SLC38A12: variants seen among roughly 807,000 people sequenced by gnomAD.
SLC38A12 encodes the protein putative sodium-coupled neutral amino acid transporter 12.
chr17:74,822,077 C>G, the SLC38A12 span, among the ~76,000 whole-genome samples: 1 of 152,090 alleles, frequency 6.6e-6, no homozygotes, highest in Admixed American at 6.5e-5. Flanking sequence ...GTCTGGGGAG[C>G]AATACATTTG....
chr17:74,779,702 G>A, the SLC38A12 span, among the ~76,000 whole-genome samples: 1 of 152,188 alleles, frequency 6.6e-6, no homozygotes, highest in Non-Finnish European at 1.5e-5. Flanking sequence ...TGCCCTGGCT[G>A]CCTTGGGAAA....
chr17:74,783,148 T>A, the SLC38A12 span, among the ~76,000 whole-genome samples: 1 of 151,892 alleles, frequency 6.6e-6, no homozygotes, highest in Non-Finnish European at 1.5e-5. Flanking sequence ...AAAATAAAAA[T>A]TGAGATTGTG....
At chr17:74,836,120 C>G in the SLC38A12 span, 1 of 1,613,878 alleles carries the variant, frequency 6.2e-7, no homozygotes, top group Non-Finnish European at 8.5e-7. This position sits in a 1 kb window ranked among gnomAD's most constrained non-coding sequence, Gnocchi z 4.2. Context: ...GGCTGGTGTT[C>G]CTGGACTACG....
the SLC38A12 span, chr17:74,836,584 C>T: frequency 6.2e-7 from 1 of 1,613,226 alleles, no homozygotes; most frequent in South Asian, 1.1e-5. The surrounding 1 kb of genome is among the most constrained non-coding windows in gnomAD (Gnocchi z 4.2). Context: ...AAGCACAGGT[C>T]CCCTTTCCGC....
the SLC38A12 span, chr17:74,836,659 A>G: frequency 1.3e-5 from 21 of 1,608,728 alleles, no homozygotes; most frequent in South Asian, 1.9e-4. The surrounding 1 kb of genome is among the most constrained non-coding windows in gnomAD (Gnocchi z 4.2). Context: ...GTCACGGCCA[A>G]TATCATCCTC....
At chr17:74,839,166 A>G in the SLC38A12 span, 1 of 1,507,062 alleles carries the variant, frequency 6.6e-7, no homozygotes, top group Non-Finnish European at 8.9e-7. Context: ...AGCAGCTGCC[A>G]GCTTATAGAT....
chr17:74,827,945 G>A, the SLC38A12 span, among the ~76,000 whole-genome samples: 5 of 152,160 alleles, frequency 3.3e-5, no homozygotes, highest in African/African-American at 9.7e-5. This position sits in a 1 kb window ranked among gnomAD's most constrained non-coding sequence, Gnocchi z 4.7. Context: ...CCTGCAGCCC[G>A]GCACCTTCCA....
chr17:74,822,971 C>A, the SLC38A12 span, among the ~76,000 whole-genome samples: 8 of 152,214 alleles, frequency 5.3e-5, no homozygotes, highest in Non-Finnish European at 8.8e-5. Flanking sequence ...CAAGCTCACC[C>A]CAGGCAGTTT....
At chr17:74,794,768 C>T in the SLC38A12 span, among the ~76,000 whole-genome samples, 1 of 152,150 alleles carries the variant, frequency 6.6e-6, no homozygotes, top group Non-Finnish European at 1.5e-5. Flanking sequence ...ATCCTCCCAG[C>T]CTCGTTGAGT....
the SLC38A12 span, among the ~76,000 whole-genome samples, chr17:74,776,853 C>T: frequency 2.2e-4 from 33 of 152,170 alleles, no homozygotes; most frequent in Admixed American, 6.5e-5. Flanking sequence ...CAGCTCCCTG[C>T]CCTAGGCAGA....
chr17:74,838,491 G>A, the SLC38A12 span: 6 of 1,014,522 alleles, frequency 5.9e-6, no homozygotes, highest in Admixed American at 5.4e-5. Flanking sequence ...AATCTTGGAC[G>A]CAAATTCATT....
the SLC38A12 span, among the ~76,000 whole-genome samples, chr17:74,798,235 A>G: frequency 0.23 from 35,194 of 152,128 alleles, 4,614 homozygotes; most frequent in East Asian, 0.42. Context: ...AGAGATACAG[A>G]CTTTTATATT....
chr17:74,837,475 T>C, the SLC38A12 span: 1 of 985,484 alleles, frequency 1.0e-6, no homozygotes, highest in Non-Finnish European at 1.2e-6. Flanking sequence ...CCTCAGGGCC[T>C]CCTACAGTGC....
At chr17:74,779,640 C>A in the SLC38A12 span, among the ~76,000 whole-genome samples, 1 of 152,186 alleles carries the variant, frequency 6.6e-6, no homozygotes, top group Non-Finnish European at 1.5e-5. Flanking sequence ...CTGATGCTGG[C>A]TGCTCTGAGT....
chr17:74,797,330 C>A, the SLC38A12 span, among the ~76,000 whole-genome samples: 1 of 152,176 alleles, frequency 6.6e-6, no homozygotes, highest in Non-Finnish European at 1.5e-5. Flanking sequence ...TTAATTACTG[C>A]CTTCATCTCC....
chr17:74,817,850 C>T, the SLC38A12 span, among the ~76,000 whole-genome samples: 4 of 152,088 alleles, frequency 2.6e-5, no homozygotes, highest in African/African-American at 9.7e-5. Flanking sequence ...CCACATAAGC[C>T]ACCCCCAAGA....
chr17:74,838,662 C>T, the SLC38A12 span: 4 of 1,405,232 alleles, frequency 2.8e-6, no homozygotes, highest in Non-Finnish European at 3.7e-6. Flanking sequence ...CTGCTTTGCT[C>T]CTCAGTGTCC....
the SLC38A12 span, among the ~76,000 whole-genome samples, chr17:74,810,811 C>T: frequency 6.6e-6 from 1 of 152,218 alleles, no homozygotes; most frequent in Non-Finnish European, 1.5e-5. Flanking sequence ...TGGCATGGTG[C>T]CTCTCATCAC....
chr17:74,817,896 G>A, the SLC38A12 span, among the ~76,000 whole-genome samples: 7 of 152,106 alleles, frequency 4.6e-5, no homozygotes, highest in Non-Finnish European at 8.8e-5. Context: ...CATAATTTCA[G>A]CGGGAAGTCA....
Sources: gnomAD v4.1 joint callset for allele counts (sites outside exome capture counted in the v4.1 genomes callset) on GRCh38, gnomAD v4.1.1 for gene constraint, Gnocchi (gnomAD v3.1) non-coding constraint, MANE v1.5 for transcripts, NCBI Gene and HGNC (gene_info 2026-07-23, HGNC 2026-07-21) for gene names.